LDLRAD4: variants seen among roughly 807,000 people sequenced by gnomAD.
LDLRAD4 encodes low-density lipoprotein receptor class A domain-containing protein 4.
LDLRAD4 carries 5 observed loss-of-function variants against 17.0 expected under a neutral mutation model. The ratio of observed to expected loss-of-function variants is 0.29; its 90% CI spans 0.15 to 0.62. The LOEUF (loss-of-function observed/expected upper bound fraction) is 0.62. Ranked by LOEUF, LDLRAD4 falls within the 20% of genes least tolerant of loss-of-function variation. The probability of loss-of-function intolerance (pLI) is 0.84; values close to 1 mark genes in which losing one functional copy is unlikely to be tolerated. For synonymous variants in LDLRAD4, 168 were observed against 171.8 expected (o/e 0.98, Z 0.17); for missense variants, 340 against 424.7 (o/e 0.80, Z 1.75).
At chr18:13,329,706 G>A (rs2081741780) in intron 1 of LDLRAD4, among the ~76,000 whole-genome samples, 1 of 151,974 alleles carries the variant, frequency 6.6e-6, no homozygotes, top group African/African-American at 2.4e-5. Context: ...TATGAGTTAC[G>A]GATCCAATTT....
At chr18:13,399,004 C>T (rs571528065) in intron 2 of LDLRAD4, among the ~76,000 whole-genome samples, 79 of 152,182 alleles carry the variant, frequency 5.2e-4, no homozygotes, top group Middle Eastern at 3.4e-3. Flanking sequence ...TTTGGGCGGC[C>T]GAGGTAGGAG....
chr18:13,571,442 C>T (rs2094688836), intron 3 of LDLRAD4, among the ~76,000 whole-genome samples: 1 of 152,152 alleles, frequency 6.6e-6, no homozygotes, highest in African/African-American at 2.4e-5. Flanking sequence ...AAGAAGCAAG[C>T]ACTCTTCCAT....
intron 3 of LDLRAD4, among the ~76,000 whole-genome samples, chr18:13,492,538 C>G (rs909872239): frequency 6.6e-6 from 1 of 152,176 alleles, no homozygotes; most frequent in Admixed American, 6.5e-5. Context: ...TCTCCAGCCC[C>G]GTAGAACGCC....
chr18:13,295,267 A>C (rs56949933), intron 1 of LDLRAD4, among the ~76,000 whole-genome samples: 1 of 152,352 alleles, frequency 6.6e-6, no homozygotes, highest in African/African-American at 2.4e-5. Flanking sequence ...CTTGCATGAC[A>C]TGCTCACATC....
chr18:13,624,074 T>C (rs1398848091), intron 4 of LDLRAD4, among the ~76,000 whole-genome samples: 1 of 152,140 alleles, frequency 6.6e-6, no homozygotes, highest in Non-Finnish European at 1.5e-5. Context: ...ATCTGTACAG[T>C]GCGTCCTACA....
At chr18:13,294,713 A>C (rs2046170958) in intron 1 of LDLRAD4, among the ~76,000 whole-genome samples, 1 of 151,846 alleles carries the variant, frequency 6.6e-6, no homozygotes, top group Non-Finnish European at 1.5e-5. Context: ...TGAAAATGAG[A>C]GTCTTAATGG....
intron 1 of LDLRAD4, among the ~76,000 whole-genome samples, chr18:13,326,550 G>C (rs1020500035): frequency 6.6e-6 from 1 of 152,178 alleles, no homozygotes; most frequent in Non-Finnish European, 1.5e-5. Context: ...GATTGTAGAC[G>C]TGAAGTTACA....
intron 1 of LDLRAD4, among the ~76,000 whole-genome samples, chr18:13,382,907 G>A (rs1371074072): frequency 1.3e-5 from 2 of 152,258 alleles, no homozygotes; most frequent in Admixed American, 6.5e-5. Flanking sequence ...GCCTCCATGG[G>A]GCAGCGCTTG....
intron 1 of LDLRAD4, among the ~76,000 whole-genome samples, chr18:13,271,384 C>T (rs373130349): frequency 9.2e-5 from 14 of 152,288 alleles, no homozygotes; most frequent in African/African-American, 2.4e-4. Flanking sequence ...GGAGAGGGAC[C>T]CTCTGAGCCT....
intron 4 of LDLRAD4, among the ~76,000 whole-genome samples, chr18:13,636,651 G>A (rs189917385): frequency 8.6e-5 from 13 of 151,144 alleles, no homozygotes; most frequent in African/African-American, 2.7e-4. Flanking sequence ...GTGCACCACC[G>A]TGCCCAGCTA....
intron 1 of LDLRAD4, chr18:13,362,404 C>T (rs1107340): frequency 0.43 from 66,025 of 152,082 alleles, 17,031 homozygotes; most frequent in Non-Finnish European, 0.57. Flanking sequence ...TGTCTCTACA[C>T]GCCATAGATG....
exon 6 of LDLRAD4, chr18:13,651,937 T>C (rs1315774972): frequency 6.6e-6 from 1 of 152,218 alleles, no homozygotes; most frequent in Non-Finnish European, 1.5e-5. Context: ...CCCTTAATGC[T>C]GAATGGATTA....
chr18:13,224,474 C>CGT (rs1190188385), intron 1 of LDLRAD4, among the ~76,000 whole-genome samples: 4 of 87,880 alleles, frequency 4.6e-5, no homozygotes, highest in African/African-American at 1.8e-4. Flanking sequence ...TTCTTTCTTT[C>CGT]TTTTTTTTTT....
At chr18:13,611,827 G>A (rs1173161387) in intron 3 of LDLRAD4, 5 of 985,566 alleles carry the variant, frequency 5.1e-6, no homozygotes, top group African/African-American at 1.7e-5. Context: ...TCCTGCTGCG[G>A]TTAGGACCTC....
chr18:13,382,298 G>T (rs1009392704), intron 1 of LDLRAD4, among the ~76,000 whole-genome samples: 4 of 152,168 alleles, frequency 2.6e-5, no homozygotes, highest in Admixed American at 2.6e-4. Flanking sequence ...TTTAATGAAA[G>T]ATATAATACG....
At chr18:13,323,281 G>A (rs1342745644) in intron 1 of LDLRAD4, among the ~76,000 whole-genome samples, 3 of 152,248 alleles carry the variant, frequency 2.0e-5, no homozygotes, top group Non-Finnish European at 4.4e-5. Context: ...AGCTATGGGC[G>A]CCGCCACTGC....
At chr18:13,534,553 A>G (rs77517456) in intron 3 of LDLRAD4, among the ~76,000 whole-genome samples, 20 of 147,048 alleles carry the variant, frequency 1.4e-4, no homozygotes, top group African/African-American at 2.5e-4. Flanking sequence ...TGCTAAAAAG[A>G]AAAAAAAAAA....
At chr18:13,218,237 G>A (rs1427089443), upstream of LDLRAD4, 1 of 152,408 alleles carries the variant, frequency 6.6e-6, no homozygotes, top group East Asian at 1.9e-4. Flanking sequence ...CGTCGGCTGG[G>A]GCCGGAGGGA....
At chr18:13,526,659 A>G (rs2094036510) in intron 3 of LDLRAD4, 1 of 152,250 alleles carries the variant, frequency 6.6e-6, no homozygotes, top group Non-Finnish European at 1.5e-5. Flanking sequence ...TGTCAGTTCT[A>G]CAATGATGTA....
Sources: allele counts gnomAD v4.1 joint callset (sites outside exome capture counted in the v4.1 genomes callset), GRCh38; gene constraint gnomAD v4.1.1; transcripts MANE v1.5; gene names NCBI Gene and HGNC (gene_info 2026-07-23, HGNC 2026-07-21).